The following CPT1C variants were observed in gnomAD, a reference collection of about 807,000 sequenced individuals.
The protein encoded by CPT1C is carnitine palmitoyltransferase 1C, also known as palmitoyl thioesterase CPT1C.
A neutral mutation model predicts 97.3 loss-of-function variants in CPT1C; 61 were observed. The ratio of observed to expected loss-of-function variants is 0.63; its 90% CI spans 0.51 to 0.78. The LOEUF (loss-of-function observed/expected upper bound fraction) is 0.78. Ranked by LOEUF, CPT1C falls within the 30% of genes least tolerant of loss-of-function variation. The pLI, the probability that CPT1C is intolerant of heterozygous loss-of-function variation, is 0.00. For synonymous variants in CPT1C, 469 were observed against 447.2 expected (o/e 1.05, Z -0.61); for missense variants, 975 against 1,065.5 (o/e 0.92, Z 1.18).
chr19:49,712,073 T>C (rs2083919012), intron 17 of CPT1C, 112 bp downstream of exon 17: 1 of 1,324,306 alleles, frequency 7.6e-7, no homozygotes, highest in African/African-American at 1.5e-5. Context: ...CCGGGCACGG[T>C]GGCTCACGCC....
intron 7 of CPT1C, among the ~76,000 whole-genome samples, 190 bp downstream of exon 7, chr19:49,701,824 T>C (rs1344035601): frequency 8.0e-6 from 1 of 125,382 alleles, no homozygotes; most frequent in East Asian, 2.0e-4. Context: ...TATATATATA[T>C]AAAAATATAT....
chr19:49,692,277 G>A lies in CPT1C; in HGVS notation c.25G>A (p.Gly9Ser). The change falls in exon 3 of 20, where the codon GGC (glycine) becomes AGC (serine). Residue 9 changes from glycine to serine, a missense_variant. Gly to Ser is a moderately conservative substitution (Grantham distance 56). Coordinates refer to ENST00000598293, the MANE Select transcript of CPT1C (RefSeq NM_001199753.2). MAEAHQAV[G>S]FRPSLTSDGA... ...CATGGCTGAAGCGCACCAGGCCGTG[G>A]GCTTCCGACCCTCGCTGACCTCGGA... 1 of 1,614,034 alleles carries A rather than the reference G, an allele frequency of 6.2e-7. No individual in the cohort carries two copies. Among genetic ancestry groups the A allele is most frequent in the Non-Finnish European group, 8.5e-7 (1 of 1,180,014 alleles).
chr19:49,713,067 G>A lies in CPT1C; in HGVS notation c.2226+3G>A. On this transcript the variant is annotated splice_donor_region_variant and intron_variant, in intron 19 of 19. Coordinates refer to ENST00000598293, the MANE Select transcript of CPT1C (RefSeq NM_001199753.2). ...GCAAAAAATCAAGCACAAAAACGGT[G>A]AGACAAACGTGTATACCCACCAACT... The A allele has an allele frequency of 6.2e-7, 1 of 1,611,976 alleles. No homozygotes were observed. The highest frequency in any genetic ancestry group is 8.5e-7 in the Non-Finnish European group (1 of 1,178,074).
chr19:49,702,263 G>A (rs2083216476), intron 7 of CPT1C, among the ~76,000 whole-genome samples: 1 of 144,948 alleles, frequency 6.9e-6, no homozygotes, highest in Non-Finnish European at 1.5e-5. Context: ...GTTGAAGTTT[G>A]GGGTATAGAT....
At chr19:49,705,372 C>A in intron 10 of CPT1C, 74 bp downstream of exon 10, 1 of 1,251,776 alleles carries the variant, frequency 8.0e-7, no homozygotes, top group Non-Finnish European at 1.1e-6. Flanking sequence ...CTGGAGTCCG[C>A]CTGACTGAGC....
At chr19:49,697,897 A>T (rs2082759237) in intron 4 of CPT1C, 1 of 155,226 alleles carries the variant, frequency 6.4e-6, no homozygotes. Flanking sequence ...AAAATACAAA[A>T]AATTAGCTGG....
chr19:49,703,372 T>C (rs147881480), intron 7 of CPT1C, among the ~76,000 whole-genome samples: 6,620 of 150,600 alleles, frequency 0.044, 212 homozygotes, highest in Middle Eastern at 0.1. Context: ...TTTTGTATTT[T>C]TGTATTTTTA....
Position 49,708,831 on chromosome 19 carries a change from C to A in CPT1C, c.1558C>A (p.Pro520Thr). Residue 520 changes from proline to threonine, a missense_variant, in exon 14 of 20, where the codon CCA (proline) becomes ACA (threonine). By Grantham distance (38) the Pro-to-Thr change is conservative (BLOSUM62 -1). Transcript: ENST00000598293. ...PQPQRLQWDL[P>T]DQIHSSISLA... ...GCCCCAGCGGCTGCAATGGGACCTT[C>A]CAGACCAGGTGAGGCTGGGTTTCTG... 1 of 1,610,514 alleles carries A rather than the reference C, an allele frequency of 6.2e-7. No homozygotes were observed. The highest frequency in any genetic ancestry group is 8.5e-7 in the Non-Finnish European group (1 of 1,177,176).
intron 7 of CPT1C, 27 bp from the exon 8 acceptor site, chr19:49,704,683 C>T: frequency 6.2e-7 from 1 of 1,600,176 alleles, no homozygotes; most frequent in South Asian, 1.1e-5. Context: ...CAGCCCCTCA[C>T]TGTGTGTCTC....
upstream of CPT1C, chr19:49,690,662 C>A: frequency 1.7e-6 from 1 of 603,400 alleles, no homozygotes; most frequent in Non-Finnish European, 2.7e-6. The surrounding 1 kb of genome is among the most constrained non-coding windows in gnomAD (Gnocchi z 4.4). Context: ...CTGCTTCTCC[C>A]TCACGGAAGT....
Position 49,701,517 on chromosome 19 carries a change from C to T in CPT1C, c.576C>T (p.Pro192=). Reference sequence around the variant, plus strand: ...TTTAGTACCTGGAGTCGGTCCGGCCCATCCTCTCCGACGAGGACTTCGACT... The same window carrying T: ...TTTAGTACCTGGAGTCGGTCCGGCCTATCCTCTCCGACGAGGACTTCGACT... ...TVRKYLESVR[P]ILSDEDFDWT... Residue 192 remains proline, a synonymous_variant, in exon 7 of 20, where the codon CCC becomes CCT. Transcript: ENST00000598293. 10 of 1,611,368 alleles carry T rather than the reference C, an allele frequency of 6.2e-6. No homozygotes were observed. Among genetic ancestry groups the T allele is most frequent in the Non-Finnish European group, 8.5e-6 (10 of 1,178,264 alleles).
intron 7 of CPT1C, among the ~76,000 whole-genome samples, chr19:49,704,045 C>A (rs542991513): frequency 1.1e-4 from 17 of 152,272 alleles, no homozygotes; most frequent in African/African-American, 3.8e-4. Flanking sequence ...TGACACAGTG[C>A]TTTCTTTTGT....
In CPT1C at chr19:49,692,391, T is replaced by C. The variant is rs140961441; in HGVS notation, c.139T>C (p.Trp47Arg). ...RSWKRHLSRF[W>R]NDFLTGVFPA... ...CTGGAAAAGGCATCTCTCACGTTTC[T>C]GGGTGAGGAGCGGTGCTGGTCGGTT... Residue 47 changes from tryptophan (W) to arginine (R), a missense_variant and splice_region_variant, in exon 3 of 20, where the codon TGG becomes CGG. Physicochemically the swap from Trp to Arg is moderately radical, Grantham distance 101. This residue lies in a region of CPT1C where 596 missense variants were observed against 603.1 expected (regional missense o/e 0.99). Coordinates refer to ENST00000598293, the MANE Select transcript of CPT1C (RefSeq NM_001199753.2). 2.2e-5 allele frequency: 36 copies of C among 1,614,160 alleles called. No individual in the cohort carries two copies. The Admixed American group carries it at 3.5e-4, about 16-fold the overall frequency.
chr19:49,693,755 C>T (rs952944040), intron 3 of CPT1C, among the ~76,000 whole-genome samples: 1 of 151,944 alleles, frequency 6.6e-6, no homozygotes, highest in Non-Finnish European at 1.5e-5. Context: ...GAGACCCCAT[C>T]TCTATTAAAA....
At position 49,711,796 on chromosome 19, in the gene CPT1C, C is replaced by G; in HGVS notation, c.1867-13C>G. The G allele has an allele frequency of 6.2e-7, 1 of 1,603,762 alleles. No homozygotes were observed. The highest frequency in any genetic ancestry group is 8.5e-7 in the Non-Finnish European group (1 of 1,175,166). On this transcript the variant is annotated splice_polypyrimidine_tract_variant and intron_variant, in intron 16 of 19. Transcript: ENST00000598293. ...TGTCTTTCCATGACCTGTGACCTCC[C>G]TGGGGACTGCAGGACCCACAGTGCC... is the stretch of plus-strand genomic sequence containing the variant.
chr19:49,707,657 C>G, intron 13 of CPT1C, 34 bp downstream of exon 13: 1 of 1,435,190 alleles, frequency 7.0e-7, no homozygotes, highest in Non-Finnish European at 9.7e-7. Context: ...TTCTGGGGAC[C>G]CCTGCCCCAT....
chr19:49,708,075 C>T (rs185035239), intron 13 of CPT1C, among the ~76,000 whole-genome samples: 3 of 149,744 alleles, frequency 2.0e-5, no homozygotes, highest in African/African-American at 7.4e-5. Flanking sequence ...GGCCCAGGGT[C>T]ACCTGGCAAA....
chr19:49,695,053 A>G (rs901971044), intron 3 of CPT1C, among the ~76,000 whole-genome samples: 2 of 151,758 alleles, frequency 1.3e-5, no homozygotes, highest in African/African-American at 4.8e-5. Flanking sequence ...AGGCAGGAGA[A>G]TGGCGTGAAC....
intron 14 of CPT1C, 69 bp downstream of exon 14, chr19:49,708,908 C>A (rs1205400160): frequency 2.1e-6 from 2 of 957,900 alleles, no homozygotes; most frequent in Non-Finnish European, 1.6e-6. Flanking sequence ...AACTCATCCC[C>A]ACCCCTAATC....
Sources: allele counts gnomAD v4.1 joint callset (sites outside exome capture counted in the v4.1 genomes callset), GRCh38; gene constraint gnomAD v4.1.1; regional missense constraint gnomAD v4.1.1; non-coding constraint Gnocchi (gnomAD v3.1); transcripts MANE v1.5; gene names NCBI Gene and HGNC (gene_info 2026-07-23, HGNC 2026-07-21).